AKAP9: variants seen among roughly 807,000 people sequenced by gnomAD.
AKAP9 encodes A-kinase anchor protein 9.
Under a neutral mutation model 488.5 loss-of-function variants are expected in AKAP9, and 311 were observed. The observed-to-expected ratio is 0.64, with a 90% CI of 0.58 to 0.70. AKAP9 has a LOEUF of 0.70. Ranked by LOEUF, AKAP9 falls within the 30% of genes least tolerant of loss-of-function variation. The pLI, the probability that AKAP9 is intolerant of heterozygous loss-of-function variation, is 0.00. For synonymous variants in AKAP9, 1,462 were observed against 1,483.5 expected (o/e 0.99, Z 0.33); for missense variants, 4,215 against 4,374.5 (o/e 0.96, Z 1.03).
chr7:92,012,417 GT>G lies in AKAP9; in HGVS notation c.3319-9del. 6.2e-7 allele frequency: 1 copy of G among 1,604,478 alleles called. No homozygotes were observed. Among genetic ancestry groups the G allele is most frequent in the Non-Finnish European group, 8.5e-7 (1 of 1,171,690 alleles). On this transcript the variant is annotated splice_polypyrimidine_tract_variant and intron_variant, in intron 8 of 49. Transcript: ENST00000356239. ...TAAGAATATTATAATGTTTACATAT[GT>G]TTACTTTAAGAATGATTTAAGGCTA...
chr7:92,060,493 T>C (rs963621362), intron 22 of AKAP9, among the ~76,000 whole-genome samples: 1 of 152,170 alleles, frequency 6.6e-6, no homozygotes. Context: ...ACAGTACTTT[T>C]CTGCAATTTC....
intron 21 of AKAP9, among the ~76,000 whole-genome samples, chr7:92,049,066 C>A (rs887460620): frequency 1.3e-5 from 2 of 152,130 alleles, no homozygotes; most frequent in African/African-American, 4.8e-5. Flanking sequence ...CATTGCCTAT[C>A]CCACTTAAAC....
intron 3 of AKAP9, among the ~76,000 whole-genome samples, chr7:91,981,107 A>G (rs1466434116): frequency 6.6e-6 from 1 of 152,232 alleles, no homozygotes; most frequent in Admixed American, 6.5e-5. Flanking sequence ...CTTACTAGTA[A>G]TCTGGCCAGG....
chr7:92,033,249 T>TA (rs949469806), intron 16 of AKAP9, among the ~76,000 whole-genome samples: 1,665 of 148,390 alleles, frequency 0.011, 26 homozygotes, highest in African/African-American at 0.038. Context: ...TTAAAGTATT[T>TA]AAAAAAAAAA....
intron 5 of AKAP9, 86 bp downstream of exon 5, chr7:91,993,141 G>A (rs987399996): frequency 6.9e-7 from 1 of 1,450,716 alleles, no homozygotes; most frequent in African/African-American, 1.4e-5. Context: ...TAAAGATGGG[G>A]TTTTTAAAAT....
Position 92,045,002 on chromosome 7 carries a change from A to T in AKAP9, c.5163-6A>T, listed in dbSNP as rs771395652. 26 of 1,599,062 alleles carry T rather than the reference A, an allele frequency of 1.6e-5. No individual in the cohort carries two copies. The highest frequency in any genetic ancestry group is 1.7e-4 in the Middle Eastern group (1 of 6,042). ...CATTTTAATCAGTGCTTCTTTATCT[A>T]TACAGGTATGCACTCCAGAAAGCTA... is the stretch of plus-strand genomic sequence containing the variant. On this transcript the variant is annotated splice_polypyrimidine_tract_variant and splice_region_variant and intron_variant, in intron 20 of 49. Transcript: ENST00000356239.
intron 39 of AKAP9, among the ~76,000 whole-genome samples, chr7:92,094,658 C>G (rs372438422): frequency 2.3e-4 from 35 of 152,200 alleles, no homozygotes; most frequent in Middle Eastern, 3.4e-3. Flanking sequence ...AATGGTGAAA[C>G]TCCATCTCTA....
intron 42 of AKAP9, 134 bp downstream of exon 42, chr7:92,097,928 T>A (rs1009687794): frequency 5.2e-6 from 5 of 961,866 alleles, no homozygotes; most frequent in Admixed American, 2.0e-5. Context: ...GGAGGTGATA[T>A]TCTTTAACAG....
intron 37 of AKAP9, among the ~76,000 whole-genome samples, chr7:92,088,710 C>A (rs1295711662): frequency 6.6e-6 from 1 of 151,962 alleles, no homozygotes; most frequent in East Asian, 1.9e-4. Context: ...GTGAACCTAT[C>A]CATACATGTG....
At chr7:92,026,979 C>G (rs1803291401) in intron 14 of AKAP9, among the ~76,000 whole-genome samples, 1 of 149,012 alleles carries the variant, frequency 6.7e-6, no homozygotes, top group South Asian at 2.1e-4. Flanking sequence ...CTCTGCCCGG[C>G]CGCCCATTGT....
intron 7 of AKAP9, among the ~76,000 whole-genome samples, chr7:91,999,203 A>G (rs761129203): frequency 1.3e-5 from 2 of 152,042 alleles, no homozygotes; most frequent in African/African-American, 2.4e-5. Flanking sequence ...GTGAACTCAG[A>G]TTTTTCAAAG....
At chr7:91,953,882 G>A (rs185725645) in intron 1 of AKAP9, among the ~76,000 whole-genome samples, 26 of 136,602 alleles carry the variant, frequency 1.9e-4, no homozygotes, top group African/African-American at 6.8e-4. Flanking sequence ...TATATGTTAT[G>A]TTGTACAAAT....
chr7:92,056,139 C>A (rs1255178514), intron 22 of AKAP9, among the ~76,000 whole-genome samples: 2 of 151,960 alleles, frequency 1.3e-5, no homozygotes, highest in African/African-American at 4.8e-5. Flanking sequence ...TATTCTGAAT[C>A]ATCTTTATCT....
chr7:91,990,887 T>G (rs13243624), intron 3 of AKAP9, among the ~76,000 whole-genome samples: 1 of 152,226 alleles, frequency 6.6e-6, no homozygotes, highest in African/African-American at 2.4e-5. Flanking sequence ...AAACAATTCA[T>G]AAGTTTTAAA....
Position 92,029,947 on chromosome 7 carries a change from T to A in AKAP9, c.4201T>A (p.Tyr1401Asn), listed in dbSNP as rs1803948080. 1 of 1,613,096 alleles carries A rather than the reference T, an allele frequency of 6.2e-7. No homozygotes were observed. The highest frequency in any genetic ancestry group is 1.7e-5 in the Admixed American group (1 of 60,004). Residue 1401 changes from tyrosine to asparagine, a missense_variant, in exon 15 of 50, where the codon TAC (tyrosine) becomes AAC (asparagine). Tyr to Asn is a moderately radical substitution (Grantham distance 143). This residue lies in a region of AKAP9 where 2,361 missense variants were observed against 2,430.0 expected (regional missense o/e 0.97). Transcript: ENST00000356239. ...ITESDAQRTM[Y>N]PGSCVKKNID... ...AGAATCTGATGCACAGAGAACAATG[T>A]ACCCTGGAAGTTGTGTGAAAAAGAA...
intron 8 of AKAP9, among the ~76,000 whole-genome samples, chr7:92,012,223 A>G (rs1014405721): frequency 6.6e-6 from 1 of 152,254 alleles, no homozygotes; most frequent in African/African-American, 2.4e-5. Flanking sequence ...ACAATTTAGT[A>G]TAAAACTGAG....
In AKAP9 at chr7:92,003,148, T is replaced by C; in HGVS notation, c.3231T>C (p.Ser1077=). ...QEQLILDHLP[S]VTKESSLRAT... Reference sequence around the variant, plus strand: ...AGTTGATTTTGGATCACTTACCATCTGTAACAAAGGAATCATCACTTAGAG... The same window carrying C: ...AGTTGATTTTGGATCACTTACCATCCGTAACAAAGGAATCATCACTTAGAG... Residue 1077 remains serine (S), a synonymous_variant, in exon 8 of 50, where the codon TCT becomes TCC. Coordinates refer to ENST00000356239, the MANE Select transcript of AKAP9 (RefSeq NM_005751.5). 6.2e-7 allele frequency: 1 copy of C among 1,611,170 alleles called. No homozygotes were observed. Among genetic ancestry groups the C allele is most frequent in the Non-Finnish European group, 8.5e-7 (1 of 1,178,706 alleles).
intron 40 of AKAP9, among the ~76,000 whole-genome samples, chr7:92,095,618 C>T (rs1464769018): frequency 6.6e-6 from 1 of 152,174 alleles, no homozygotes; most frequent in Non-Finnish European, 1.5e-5. Flanking sequence ...AGGCTCTCAG[C>T]TCAAGGCAGG....
chr7:91,984,618 T>G (rs547851569), intron 3 of AKAP9, among the ~76,000 whole-genome samples: 15 of 152,314 alleles, frequency 9.8e-5, no homozygotes, highest in East Asian at 1.9e-4. Context: ...TGTGGGCTCT[T>G]TTTTGGTTCC....
Sources: gnomAD v4.1 joint callset for allele counts (sites outside exome capture counted in the v4.1 genomes callset) on GRCh38, gnomAD v4.1.1 for gene constraint, gnomAD v4.1.1 regional missense constraint, MANE v1.5 for transcripts, NCBI Gene and HGNC (gene_info 2026-07-23, HGNC 2026-07-21) for gene names.